Variants in KIAA0232 observed in about 807,000 individuals in gnomAD.
KIAA0232 encodes KIAA0232, also known as uncharacterized protein KIAA0232.
KIAA0232 carries 27 observed loss-of-function variants against 122.0 expected under a neutral mutation model. The ratio of observed to expected loss-of-function variants is 0.22; its 90% CI spans 0.16 to 0.31. The LOEUF (loss-of-function observed/expected upper bound fraction) is 0.31. KIAA0232 is among the 10% of genes least tolerant of loss of function. KIAA0232 has a pLI of 1.00. For missense variants in KIAA0232, 1,551 were observed against 1,634.2 expected, an observed-to-expected ratio of 0.95 and a Z score of 0.88; for synonymous variants, 613 against 587.6, an observed-to-expected ratio of 1.04 and a Z score of -0.63.
Position 6,864,009 on chromosome 4 carries a change from G to T in KIAA0232, c.3627G>T (p.Gln1209His). The T allele has an allele frequency of 6.2e-7, 1 of 1,614,158 alleles. No individual in the cohort carries two copies. Among genetic ancestry groups the T allele is most frequent in the African/African-American group, 1.3e-5 (1 of 75,058 alleles). Residue 1209 changes from glutamine to histidine, a missense_variant, in exon 7 of 10, where the codon CAG becomes CAT. Gln to His is a conservative substitution (Grantham distance 24, BLOSUM62 0). Transcript: ENST00000307659. ...TTCTTTCAGTAGGAAAGCAAAATCA[G>T]TGTTTGGAATGTAGCATGAATGAAT... ...TGILSVGKQN[Q>H]CLECSMNESL...
At chr4:6,878,238 G>T (rs573180430) in intron 9 of KIAA0232, among the ~76,000 whole-genome samples, 191 of 152,254 alleles carry the variant, frequency 1.3e-3, no homozygotes, top group Non-Finnish European at 2.4e-3. Context: ...AGCCGGGCGT[G>T]ATGGTGCACC....
At chr4:6,803,177 A>G (rs1335166713) in intron 1 of KIAA0232, among the ~76,000 whole-genome samples, 4 of 147,188 alleles carry the variant, frequency 2.7e-5, no homozygotes, top group Non-Finnish European at 4.5e-5. Context: ...AGAATACTTT[A>G]CCTCTTGAAA....
At chr4:6,856,126 C>G (rs778800360) in intron 4 of KIAA0232, among the ~76,000 whole-genome samples, 3 of 152,058 alleles carry the variant, frequency 2.0e-5, no homozygotes, top group Non-Finnish European at 2.9e-5. Context: ...ACTGTGTAAC[C>G]GTGGGATTTC....
chr4:6,843,819 A>G (rs535565312), intron 4 of KIAA0232, among the ~76,000 whole-genome samples: 1 of 151,248 alleles, frequency 6.6e-6, no homozygotes, highest in Non-Finnish European at 1.5e-5. Context: ...CCCTGGCCAT[A>G]TACTCATGAT....
chr4:6,817,140 T>C (rs1311291330), intron 2 of KIAA0232, among the ~76,000 whole-genome samples: 4 of 152,206 alleles, frequency 2.6e-5, no homozygotes, highest in South Asian at 2.1e-4. Context: ...ACTGAGATCA[T>C]TGATTTAAGA....
chr4:6,785,462 A>T (rs1716575645), intron 1 of KIAA0232, among the ~76,000 whole-genome samples: 1 of 152,214 alleles, frequency 6.6e-6, no homozygotes, highest in Non-Finnish European at 1.5e-5. Flanking sequence ...TAGAATGGGA[A>T]GATTGATGAC....
intron 1 of KIAA0232, among the ~76,000 whole-genome samples, chr4:6,789,874 T>A (rs1021588254): frequency 6.6e-6 from 1 of 152,022 alleles, no homozygotes; most frequent in African/African-American, 2.4e-5. Context: ...AAAAAAATTT[T>A]AAAAATTAGC....
At chr4:6,854,830 C>G (rs1238768890) in intron 4 of KIAA0232, among the ~76,000 whole-genome samples, 1 of 152,080 alleles carries the variant, frequency 6.6e-6, no homozygotes, top group Non-Finnish European at 1.5e-5. Context: ...TTTTAAGATA[C>G]TATAGGCTCT....
At chr4:6,806,438 G>A (rs1428534139) in intron 2 of KIAA0232, among the ~76,000 whole-genome samples, 6 of 152,050 alleles carry the variant, frequency 3.9e-5, no homozygotes, top group Non-Finnish European at 8.8e-5. Flanking sequence ...AGTTCAAACA[G>A]TAACAAAACA....
chr4:6,881,213 A>C lies in KIAA0232; in HGVS notation c.*247A>C. On this transcript the variant is annotated 3_prime_UTR_variant, in exon 10 of 10. Transcript: ENST00000307659. ...TAGACTAGATTGTGTTGTCAAATCA[A>C]GAATGGGTGTGCATGTGCTTGTCTT... 2.9e-6 allele frequency: 1 copy of C among 341,134 alleles called. No homozygotes were observed. Among genetic ancestry groups the C allele is most frequent in the Non-Finnish European group, 5.3e-6 (1 of 189,620 alleles). The allele number at this position is 341,134 out of a possible 1,614,324, so 21.1% of individuals were successfully genotyped here.
chr4:6,872,625 C>T (rs1721552150), intron 8 of KIAA0232, among the ~76,000 whole-genome samples: 1 of 152,198 alleles, frequency 6.6e-6, no homozygotes, highest in Non-Finnish European at 1.5e-5. Flanking sequence ...GTCTCCTGGG[C>T]TTCTATTGGC....
Position 6,834,091 on chromosome 4 carries a change from C to CTTA in KIAA0232, c.232-7961_232-7959dup, listed in dbSNP as rs200222869. ...CTGTGCCTGACTCTCCATTTCTTTTCTTATTATTATTATTATTTTAGAGAT... is the reference window on the plus strand; with the variant it reads ...CTGTGCCTGACTCTCCATTTCTTTTCTTATTATTATTATTATTATTTTAGAGAT... On this transcript the variant is annotated intron_variant, in intron 3 of 9. Transcript: ENST00000307659. Among the ~76,000 whole-genome samples, 466 of 152,084 alleles carry CTTA rather than the reference C, an allele frequency of 3.1e-3. 3 individuals are homozygous for CTTA. The highest frequency in any genetic ancestry group is 0.011 in the African/African-American group (437 of 41,460).
At chr4:6,843,789 T>C (rs1719791861) in intron 4 of KIAA0232, among the ~76,000 whole-genome samples, 1 of 151,772 alleles carries the variant, frequency 6.6e-6, no homozygotes, top group African/African-American at 2.4e-5. Context: ...AAAAAAGAAT[T>C]GTCTCTGAAA....
intron 1 of KIAA0232, among the ~76,000 whole-genome samples, chr4:6,797,637 A>G (rs1235887633): frequency 2.0e-5 from 3 of 151,768 alleles, no homozygotes; most frequent in African/African-American, 7.3e-5. Context: ...GTAGTGGTGT[A>G]TGCCCATAGT....
intron 7 of KIAA0232, among the ~76,000 whole-genome samples, chr4:6,868,717 A>C (rs1458209128): frequency 6.6e-6 from 1 of 152,214 alleles, no homozygotes; most frequent in Admixed American, 6.5e-5. Context: ...AAGTTGAATT[A>C]ATACATTCGA....
At chr4:6,836,972 A>T (rs1719326309) in intron 3 of KIAA0232, among the ~76,000 whole-genome samples, 2 of 152,122 alleles carry the variant, frequency 1.3e-5, no homozygotes, top group South Asian at 4.2e-4. Flanking sequence ...TAACAATCTG[A>T]TCTCCCTTTC....
chr4:6,804,247 C>G (rs762404008), intron 1 of KIAA0232, among the ~76,000 whole-genome samples: 2 of 152,156 alleles, frequency 1.3e-5, no homozygotes, highest in African/African-American at 4.8e-5. Flanking sequence ...TATTCCTGCT[C>G]TAGCGGGCCT....
intron 3 of KIAA0232, among the ~76,000 whole-genome samples, chr4:6,840,664 T>G (rs1719600742): frequency 6.6e-6 from 1 of 152,166 alleles, no homozygotes; most frequent in Non-Finnish European, 1.5e-5. Context: ...TCTTTAAGAT[T>G]AGGACTGAGT....
rs374114099 is a variant in KIAA0232 at position 6,842,224 on chromosome 4, C to G, written c.369+20C>G. On this transcript the variant is annotated intron_variant, in intron 4 of 9. Coordinates refer to ENST00000307659, the MANE Select transcript of KIAA0232 (RefSeq NM_014743.3). Reference sequence around the variant, plus strand: ...GATGAAGTAAGTTTACATTTTGTTTCTAACACTTAAGAGAATAAAAGAAGG... The same window carrying G: ...GATGAAGTAAGTTTACATTTTGTTTGTAACACTTAAGAGAATAAAAGAAGG... 3.2e-6 allele frequency: 5 copies of G among 1,584,210 alleles called. No homozygotes were observed. The highest frequency in any genetic ancestry group is 4.3e-6 in the Non-Finnish European group (5 of 1,170,960).
Sources: gnomAD v4.1 joint callset for allele counts (sites outside exome capture counted in the v4.1 genomes callset) on GRCh38, gnomAD v4.1.1 for gene constraint, MANE v1.5 for transcripts, NCBI Gene and HGNC (gene_info 2026-07-23, HGNC 2026-07-21) for gene names.